MAF: variants seen among roughly 807,000 people sequenced by gnomAD.
MAF encodes MAF bZIP transcription factor.
Under a neutral mutation model 22.0 loss-of-function variants are expected in MAF, and 10 were observed. The ratio of observed to expected loss-of-function variants is 0.45; its 90% CI spans 0.28 to 0.77. The LOEUF is 0.77. Ranked by LOEUF, MAF falls within the 30% of genes least tolerant of loss-of-function variation. The probability of loss-of-function intolerance (pLI) is 0.12; values close to 1 mark genes in which losing one functional copy is unlikely to be tolerated. For synonymous variants in MAF, 337 were observed against 255.8 expected (o/e 1.32, Z -3.03); for missense variants, 544 against 548.4 (o/e 0.99, Z 0.08).
At chr16:79,312,353 G>A in the MAF span, among the ~76,000 whole-genome samples, 6 of 152,132 alleles carry the variant, frequency 3.9e-5, no homozygotes, top group Admixed American at 6.5e-5. Context: ...CATTAAATAC[G>A]AAAGCAGAGG....
the MAF span, among the ~76,000 whole-genome samples, chr16:79,499,035 T>C: frequency 2.6e-5 from 4 of 152,122 alleles, no homozygotes; most frequent in Admixed American, 2.0e-4. Context: ...CCTCCCCAGA[T>C]AGACAAGGTA....
chr16:79,412,029 C>T, the MAF span, among the ~76,000 whole-genome samples: 2 of 152,158 alleles, frequency 1.3e-5, no homozygotes, highest in Non-Finnish European at 1.5e-5. Flanking sequence ...ACCTTGCTTC[C>T]CTTGTGCAGA....
chr16:79,478,729 T>C, the MAF span, among the ~76,000 whole-genome samples: 29 of 152,206 alleles, frequency 1.9e-4, no homozygotes, highest in Non-Finnish European at 3.5e-4. Context: ...CAGTGCATCA[T>C]CCCAGCATAC....
chr16:79,216,992 TA>T, the MAF span, among the ~76,000 whole-genome samples: 2 of 152,148 alleles, frequency 1.3e-5, no homozygotes, highest in Non-Finnish European at 2.9e-5. Flanking sequence ...GTGTTTTTAG[TA>T]GAGATAGGGT....
the MAF span, among the ~76,000 whole-genome samples, chr16:79,299,341 GAAAAAGAAAAAAAAAA>G: frequency 2.5e-3 from 172 of 68,970 alleles, 1 homozygote; most frequent in African/African-American, 9.3e-3. Flanking sequence ...AACAAACAAA[GAAAAAGAAAAAAAAAA>G]AAAAAGAAAA....
At chr16:79,244,949 A>G in the MAF span, among the ~76,000 whole-genome samples, 3 of 152,110 alleles carry the variant, frequency 2.0e-5, no homozygotes, top group Admixed American at 2.0e-4. Flanking sequence ...CAAACCTGGC[A>G]AAAACAATCA....
At chr16:79,360,131 G>A in the MAF span, among the ~76,000 whole-genome samples, 1 of 152,142 alleles carries the variant, frequency 6.6e-6, no homozygotes, top group Non-Finnish European at 1.5e-5. Flanking sequence ...GAGCTATCAT[G>A]TCTCATTCTT....
chr16:79,421,638 AT>A, the MAF span, among the ~76,000 whole-genome samples: 78,110 of 144,640 alleles, frequency 0.54, 21,167 homozygotes, highest in East Asian at 0.85. Flanking sequence ...AAGAAAAGTG[AT>A]TTTTTTTTTT....
downstream of MAF, chr16:79,593,802 AAAAAG>A (rs145130086): frequency 0.04 from 7,039 of 177,834 alleles, 505 homozygotes; most frequent in African/African-American, 0.16. Context: ...AGTAGGAGCA[AAAAAG>A]AAAAGGGAGC....
the MAF span, among the ~76,000 whole-genome samples, chr16:79,386,845 A>G: frequency 6.6e-6 from 1 of 152,174 alleles, no homozygotes; most frequent in African/African-American, 2.4e-5. Context: ...TAATGTTATT[A>G]TAAATAAGAG....
the MAF span, among the ~76,000 whole-genome samples, chr16:79,430,746 C>T: frequency 1.3e-5 from 2 of 152,210 alleles, no homozygotes; most frequent in African/African-American, 4.8e-5. Flanking sequence ...ACATAAAGCC[C>T]AGTCCTTCTC....
the MAF span, among the ~76,000 whole-genome samples, chr16:79,435,914 G>A: frequency 1.2e-3 from 182 of 152,260 alleles, 3 homozygotes; most frequent in South Asian, 0.037. Flanking sequence ...TCACAGGTAA[G>A]GGACCTGCTC....
At chr16:79,583,764 G>A (rs1236859573), downstream of MAF, among the ~76,000 whole-genome samples, 1 of 151,986 alleles carries the variant, frequency 6.6e-6, no homozygotes, top group Non-Finnish European at 1.5e-5. Context: ...CCTTTAGCGC[G>A]AGGTTAAAAC....
At chr16:79,410,400 G>C in the MAF span, among the ~76,000 whole-genome samples, 1 of 152,210 alleles carries the variant, frequency 6.6e-6, no homozygotes. Context: ...CCATCATATT[G>C]AACTGAGCAA....
the MAF span, among the ~76,000 whole-genome samples, chr16:79,513,827 G>A: frequency 6.6e-6 from 1 of 152,128 alleles, no homozygotes; most frequent in Non-Finnish European, 1.5e-5. Context: ...CCCAGTGAAG[G>A]CTGTCTTTTC....
chr16:79,251,873 G>T, the MAF span, among the ~76,000 whole-genome samples: 2 of 152,182 alleles, frequency 1.3e-5, no homozygotes, highest in African/African-American at 4.8e-5. Flanking sequence ...TGTAAGAAAA[G>T]CCTTGATATT....
At chr16:79,555,891 G>T in the MAF span, among the ~76,000 whole-genome samples, 2 of 152,060 alleles carry the variant, frequency 1.3e-5, no homozygotes, top group Non-Finnish European at 2.9e-5. Context: ...ACCTGTTAAT[G>T]GTATTTCTAC....
the MAF span, among the ~76,000 whole-genome samples, chr16:79,387,854 A>G: frequency 6.6e-6 from 1 of 152,254 alleles, no homozygotes; most frequent in Non-Finnish European, 1.5e-5. Context: ...TCCAATCAAC[A>G]AATTAAGCTA....
chr16:79,221,835 G>C, the MAF span, among the ~76,000 whole-genome samples: 1 of 152,180 alleles, frequency 6.6e-6, no homozygotes, highest in Non-Finnish European at 1.5e-5. Context: ...TAATAGATCT[G>C]TGAAGTTCTG....
Sources: allele counts gnomAD v4.1 joint callset (sites outside exome capture counted in the v4.1 genomes callset), GRCh38; gene constraint gnomAD v4.1.1; transcripts MANE v1.5; gene names NCBI Gene and HGNC (gene_info 2026-07-23, HGNC 2026-07-21).